PDE4D: variants seen among roughly 807,000 people sequenced by gnomAD.
PDE4D encodes the protein 3',5'-cyclic-AMP phosphodiesterase 4D.
In PDE4D, 24 loss-of-function variants were observed where a neutral mutation model predicts 87.4. That is an observed-to-expected ratio of 0.27 (90% CI 0.20 to 0.39). PDE4D has a LOEUF of 0.39. Among genes scored for constraint, PDE4D ranks in the 10% least tolerant of loss-of-function variants. The pLI, the probability that PDE4D is intolerant of heterozygous loss-of-function variation, is 1.00. For synonymous variants in PDE4D, 384 were observed against 383.2 expected (o/e 1.00, Z -0.02); for missense variants, 714 against 1,041.0 (o/e 0.69, Z 4.32).
intron 1 of PDE4D, among the ~76,000 whole-genome samples, chr5:59,617,753 T>C (rs1278099800): frequency 2.0e-5 from 3 of 152,188 alleles, no homozygotes; most frequent in African/African-American, 7.2e-5. Flanking sequence ...ACCTCGATCG[T>C]AGAATTCTCA....
chr5:59,351,913 G>A (rs925029360), intron 1 of PDE4D, among the ~76,000 whole-genome samples: 2 of 152,090 alleles, frequency 1.3e-5, no homozygotes, highest in Non-Finnish European at 1.5e-5. Flanking sequence ...CTCTCATTAT[G>A]GAATTTTTTT....
chr5:59,842,165 A>AG (rs1400688972), intron 1 of PDE4D, among the ~76,000 whole-genome samples: 1 of 152,002 alleles, frequency 6.6e-6, no homozygotes, highest in Non-Finnish European at 1.5e-5. Flanking sequence ...ACTGAAAGTC[A>AG]GGGAGGTGAG....
chr5:59,671,040 TAC>T (rs1331484454), intron 1 of PDE4D, among the ~76,000 whole-genome samples: 1 of 152,226 alleles, frequency 6.6e-6, no homozygotes, highest in Non-Finnish European at 1.5e-5. Flanking sequence ...ATTTTCATTA[TAC>T]AGAGTGTTTC....
intron 6 of PDE4D, among the ~76,000 whole-genome samples, chr5:59,017,818 TGAA>T (rs1754345855): frequency 6.6e-6 from 1 of 152,226 alleles, no homozygotes; most frequent in Admixed American, 6.5e-5. Flanking sequence ...ATTTTAGAAA[TGAA>T]GACTTTACTG....
intron 5 of PDE4D, among the ~76,000 whole-genome samples, chr5:59,053,645 G>GTTTTTTGTTTTTTTTTTTT (rs1561396071): frequency 7.3e-5 from 5 of 68,786 alleles, no homozygotes; most frequent in East Asian, 6.2e-4. Context: ...TTTGTTTTTT[G>GTTTTTTGTTTTTTTTTTTT]TTTTTTTTTG....
intron 1 of PDE4D, among the ~76,000 whole-genome samples, chr5:60,476,021 T>A (rs1185652287): frequency 6.6e-6 from 1 of 152,104 alleles, no homozygotes; most frequent in Non-Finnish European, 1.5e-5. Flanking sequence ...TAACAAATAA[T>A]CCTGTCAGCA....
chr5:60,181,716 A>G (rs907286802), intron 2 of PDE4D, among the ~76,000 whole-genome samples: 4 of 152,222 alleles, frequency 2.6e-5, no homozygotes, highest in African/African-American at 7.2e-5. Context: ...TGGGAATTTA[A>G]TGCAAAAGAC....
At chr5:59,302,772 T>C (rs1244508992) in intron 1 of PDE4D, among the ~76,000 whole-genome samples, 2 of 152,358 alleles carry the variant, frequency 1.3e-5, no homozygotes, top group East Asian at 3.9e-4. Context: ...AGTTTCTTTA[T>C]CCACTTATTG....
chr5:59,549,315 CACA>C (rs1301456636), intron 1 of PDE4D, among the ~76,000 whole-genome samples: 11 of 152,110 alleles, frequency 7.2e-5, no homozygotes, highest in African/African-American at 1.9e-4. Context: ...CATTCACTAT[CACA>C]ACAAGGTACT....
At chr5:59,569,416 C>CA (rs968825850) in intron 1 of PDE4D, among the ~76,000 whole-genome samples, 4 of 151,912 alleles carry the variant, frequency 2.6e-5, no homozygotes, top group South Asian at 2.1e-4. Flanking sequence ...TCCTAAGATA[C>CA]AAAAAAACCA....
chr5:58,985,347 G>A lies in PDE4D; in HGVS notation c.1552+3146C>T, dbSNP rs538047350. Among the ~76,000 whole-genome samples, 9 of 152,232 alleles carry A rather than the reference G, an allele frequency of 5.9e-5. No individual in the cohort carries two copies. The East Asian group carries it at 1.7e-3, about 29-fold the overall frequency. On this transcript the variant is annotated intron_variant, in intron 11 of 14. Coordinates refer to ENST00000340635, the MANE Select transcript of PDE4D (RefSeq NM_001104631.2). The stretch of plus-strand genomic sequence containing the variant: ...ATTATAGCTTAACCAACTCTACCAG[G>A]TAGAATTGTTCTCTCTGCTTGCAGA...
intron 1 of PDE4D, among the ~76,000 whole-genome samples, chr5:59,605,548 T>C (rs295956): frequency 0.86 from 131,194 of 152,054 alleles, 56,659 homozygotes; most frequent in South Asian, 0.93. Flanking sequence ...AAAGCACCGT[T>C]ATTATAGGCT....
chr5:59,884,291 CAT>C (rs754186616), intron 1 of PDE4D, among the ~76,000 whole-genome samples: 45 of 150,940 alleles, frequency 3.0e-4, no homozygotes, highest in Non-Finnish European at 1.6e-4. Flanking sequence ...TACACACACA[CAT>C]ATATATATAC....
At chr5:59,543,631 C>A (rs1471853929) in intron 1 of PDE4D, among the ~76,000 whole-genome samples, 2 of 152,112 alleles carry the variant, frequency 1.3e-5, no homozygotes, top group Non-Finnish European at 2.9e-5. Context: ...GCTGCTGGGA[C>A]TTTTCTGGCT....
intron 1 of PDE4D, among the ~76,000 whole-genome samples, chr5:60,424,159 A>T (rs1245800464): frequency 6.6e-6 from 1 of 152,230 alleles, no homozygotes; most frequent in Admixed American, 6.5e-5. Flanking sequence ...TCAAAAGAAA[A>T]AGAGGGAATC....
chr5:59,180,500 A>T (rs974834362), intron 5 of PDE4D, 95 bp downstream of exon 5: 24 of 938,788 alleles, frequency 2.6e-5, no homozygotes, highest in Non-Finnish European at 3.8e-5. Flanking sequence ...ACATTTTCAA[A>T]TTGCAGCATG....
At chr5:59,775,454 A>T (rs1168554310) in intron 1 of PDE4D, among the ~76,000 whole-genome samples, 2 of 152,198 alleles carry the variant, frequency 1.3e-5, no homozygotes, top group African/African-American at 4.8e-5. Flanking sequence ...CAATCATTCT[A>T]ACAAGGTGGT....
chr5:60,212,480 A>G (rs1743343903), intron 1 of PDE4D, among the ~76,000 whole-genome samples: 1 of 152,156 alleles, frequency 6.6e-6, no homozygotes, highest in African/African-American at 2.4e-5. Flanking sequence ...CTTCCCTAAG[A>G]TTTGACCTGG....
intron 1 of PDE4D, among the ~76,000 whole-genome samples, chr5:59,575,114 G>A (rs1822912280): frequency 6.6e-6 from 1 of 152,168 alleles, no homozygotes; most frequent in African/African-American, 2.4e-5. Context: ...GCTTTATGCT[G>A]TATTACATAT....
Sources: gnomAD v4.1 joint callset for allele counts (sites outside exome capture counted in the v4.1 genomes callset) on GRCh38, gnomAD v4.1.1 for gene constraint, MANE v1.5 for transcripts, NCBI Gene and HGNC (gene_info 2026-07-23, HGNC 2026-07-21) for gene names.